Variants in NRG4 observed in about 807,000 individuals in gnomAD.
The protein encoded by NRG4 is neuregulin 4.
NRG4 carries 10 observed loss-of-function variants against 15.0 expected under a neutral mutation model. The ratio of observed to expected loss-of-function variants is 0.67; its 90% CI spans 0.41 to 1.13. The LOEUF (loss-of-function observed/expected upper bound fraction) is 1.13. NRG4 is among the 50% of genes most tolerant of loss of function. NRG4 has a pLI of 0.00. For synonymous variants in NRG4, 41 were observed against 50.1 expected (o/e 0.82, Z 0.77); for missense variants, 139 against 140.2 (o/e 0.99, Z 0.04).
intron 3 of NRG4, among the ~76,000 whole-genome samples, chr15:75,964,305 T>C (rs2032682286): frequency 6.6e-6 from 1 of 152,104 alleles, no homozygotes; most frequent in Admixed American, 6.5e-5. Context: ...AAAGTATCTT[T>C]AAAATAACAA....
chr15:75,939,056 CAT>C (rs1422677630), downstream of NRG4: 2 of 151,944 alleles, frequency 1.3e-5, no homozygotes, highest in African/African-American at 2.4e-5. Flanking sequence ...GGGGGAAAAA[CAT>C]ACTAAATCCA....
chr15:76,034,385 G>A (rs1207413428), intron 5 of NRG4, among the ~76,000 whole-genome samples: 1 of 152,150 alleles, frequency 6.6e-6, no homozygotes. Flanking sequence ...TAAATTCCCT[G>A]GTTAGTCAAT....
chr15:76,003,844 G>A (rs2034500888), intron 3 of NRG4, among the ~76,000 whole-genome samples: 1 of 152,044 alleles, frequency 6.6e-6, no homozygotes, highest in Non-Finnish European at 1.5e-5. Flanking sequence ...CCAACAAGCA[G>A]TCCTTCAAAA....
chr15:76,018,774 G>A (rs543200690), intron 5 of NRG4, among the ~76,000 whole-genome samples: 47 of 152,292 alleles, frequency 3.1e-4, no homozygotes, highest in African/African-American at 1.1e-3. Flanking sequence ...GACCCCTACT[G>A]GGAGGTGTCT....
chr15:75,946,522 T>C (rs990670279), intron 5 of NRG4, among the ~76,000 whole-genome samples: 1 of 152,100 alleles, frequency 6.6e-6, no homozygotes, highest in Non-Finnish European at 1.5e-5. Flanking sequence ...CACGCCTGGC[T>C]AATTTTTTTT....
At chr15:75,981,038 G>A (rs989575540) in intron 3 of NRG4, among the ~76,000 whole-genome samples, 5 of 152,186 alleles carry the variant, frequency 3.3e-5, no homozygotes, top group African/African-American at 1.2e-4. Flanking sequence ...AAGCACATTT[G>A]GTGAATTGCA....
chr15:75,998,976 G>C (rs1051461194), intron 3 of NRG4, among the ~76,000 whole-genome samples: 4 of 152,260 alleles, frequency 2.6e-5, no homozygotes, highest in African/African-American at 9.6e-5. Flanking sequence ...GCAAAAACTA[G>C]ACTTACCACA....
intron 2 of NRG4, among the ~76,000 whole-genome samples, chr15:76,010,734 T>C (rs1205545893): frequency 6.6e-6 from 1 of 152,074 alleles, no homozygotes; most frequent in Non-Finnish European, 1.5e-5. Context: ...AAAATAAAAT[T>C]AACATTACAT....
chr15:75,972,641 A>G (rs2460809), intron 3 of NRG4, among the ~76,000 whole-genome samples: 9,473 of 151,962 alleles, frequency 0.062, 615 homozygotes, highest in African/African-American at 0.17. Flanking sequence ...TTTCCCCCTT[A>G]CTTATTTTTT....
In NRG4 at chr15:76,008,336, C is replaced by T. The variant is rs537020035; in HGVS notation, c.104+864G>A. 3.9e-5 allele frequency among the ~76,000 whole-genome samples: 6 copies of T among 152,136 alleles called. No homozygotes were observed. In the South Asian group the frequency reaches 1.2e-3, roughly 32 times the overall value. On this transcript the variant is annotated intron_variant, in intron 3 of 5. Coordinates refer to ENST00000394907, the MANE Select transcript of NRG4 (RefSeq NM_138573.4). ...TTGTGAGGTTATTTCTCTCTGCCTC[C>T]TCTCCTCCATACTACATCCCAGTAT...
At chr15:76,017,799 G>T (rs1265951380) in intron 5 of NRG4, among the ~76,000 whole-genome samples, 1 of 151,794 alleles carries the variant, frequency 6.6e-6, no homozygotes, top group Non-Finnish European at 1.5e-5. Context: ...TGACAATTAT[G>T]TGTCTTGGGG....
At chr15:76,036,792 G>GA (rs1012999556) in intron 4 of NRG4, among the ~76,000 whole-genome samples, 3 of 152,116 alleles carry the variant, frequency 2.0e-5, no homozygotes, top group African/African-American at 7.2e-5. Context: ...ACTGAATGGG[G>GA]AAAAATCAAA....
intron 3 of NRG4, among the ~76,000 whole-genome samples, chr15:75,998,987 TA>T (rs1454830833): frequency 6.6e-6 from 1 of 152,166 alleles, no homozygotes; most frequent in Non-Finnish European, 1.5e-5. Context: ...ACTTACCACA[TA>T]TTAAACTCAC....
At chr15:75,965,351 G>T (rs2032748389) in intron 3 of NRG4, among the ~76,000 whole-genome samples, 1 of 152,180 alleles carries the variant, frequency 6.6e-6, no homozygotes, top group African/African-American at 2.4e-5. Context: ...AATCAGATCA[G>T]GGTTTATGCA....
At chr15:76,057,908 C>T (rs1311004161) in intron 1 of NRG4, among the ~76,000 whole-genome samples, 1 of 151,406 alleles carries the variant, frequency 6.6e-6, no homozygotes, top group Admixed American at 6.6e-5. Context: ...CCCTTGAAGT[C>T]GCATGAACCC....
At position 76,009,278 on chromosome 15, in the gene NRG4, C is replaced by T. The variant is rs2034720510; in HGVS notation, c.26G>A (p.Cys9Tyr). 1 of 1,583,416 alleles carries T rather than the reference C, an allele frequency of 6.3e-7. No individual in the cohort carries two copies. Among genetic ancestry groups the T allele is most frequent in the African/African-American group, 1.4e-5 (1 of 73,536 alleles). The change falls in exon 3 of 6, where the codon TGT becomes TAT. Residue 9 changes from cysteine to tyrosine, a missense_variant. By Grantham distance (194) the Cys-to-Tyr change is radical (BLOSUM62 -2). Transcript: ENST00000394907. ...GCAAAACGACTTGTGACTGGGACCACAGGGCTCTTCGTGATCTAGAACACA... is the reference window on the plus strand; with the variant it reads ...GCAAAACGACTTGTGACTGGGACCATAGGGCTCTTCGTGATCTAGAACACA... MPTDHEEP[C>Y]GPSHKSFCLN...
chr15:75,947,916 G>T (rs1331244000), intron 5 of NRG4, among the ~76,000 whole-genome samples: 2 of 152,142 alleles, frequency 1.3e-5, no homozygotes, highest in African/African-American at 4.8e-5. Flanking sequence ...GTGATGTTGA[G>T]TATCTTTTTT....
upstream of NRG4, among the ~76,000 whole-genome samples, chr15:76,016,470 AT>A (rs2034983384): frequency 6.6e-6 from 1 of 152,196 alleles, no homozygotes; most frequent in African/African-American, 2.4e-5. Context: ...TCTTGAGGGC[AT>A]TTAGTGCTAT....
intron 5 of NRG4, among the ~76,000 whole-genome samples, chr15:76,025,083 A>T (rs2141933232): frequency 6.6e-6 from 1 of 152,364 alleles, no homozygotes; most frequent in East Asian, 1.9e-4. Flanking sequence ...GAACTATATG[A>T]AATACCAGAA....
Sources: allele counts gnomAD v4.1 joint callset (sites outside exome capture counted in the v4.1 genomes callset), GRCh38; gene constraint gnomAD v4.1.1; transcripts MANE v1.5; gene names NCBI Gene and HGNC (gene_info 2026-07-23, HGNC 2026-07-21).